The following TSC22D1 variants were observed in gnomAD, a reference collection of about 807,000 sequenced individuals.
TSC22D1 encodes the protein TSC22 domain family protein 1.
A neutral mutation model predicts 74.2 loss-of-function variants in TSC22D1; 9 were observed. The observed-to-expected ratio is 0.12, with a 90% CI of 0.07 to 0.21. TSC22D1 has a LOEUF of 0.21. TSC22D1 is among the 10% of genes least tolerant of loss of function. The probability of loss-of-function intolerance (pLI) is 1.00; values close to 1 mark genes in which losing one functional copy is unlikely to be tolerated. For synonymous variants in TSC22D1, 586 were observed against 492.5 expected (o/e 1.19, Z -2.51); for missense variants, 1,427 against 1,304.7 (o/e 1.09, Z -1.44).
At chr13:44,544,500 A>G (rs1272561209) in intron 1 of TSC22D1, among the ~76,000 whole-genome samples, 1 of 151,442 alleles carries the variant, frequency 6.6e-6, no homozygotes, top group Admixed American at 6.6e-5. Context: ...AATAGGGAAG[A>G]CTCTGAGCAA....
In TSC22D1 at chr13:44,574,120, G is replaced by A. The variant is rs370025988; in HGVS notation, c.1955C>T (p.Pro652Leu). 19 of 1,614,118 alleles carry A rather than the reference G, an allele frequency of 1.2e-5. No individual in the cohort carries two copies. Among genetic ancestry groups the A allele is most frequent in the East Asian group, 2.2e-5 (1 of 44,898 alleles). Reference sequence around the variant, plus strand: ...CTGCTGTTGTACATACTCTGAAGCAGGATTTTGAGTCACTGATTTGACATG... The same window carrying A: ...CTGCTGTTGTACATACTCTGAAGCAAGATTTTGAGTCACTGATTTGACATG... ...PGHVKSVTQN[P>L]ASEYVQQQPI... Residue 652 changes from proline (P) to leucine (L), a missense_variant, in exon 1 of 3, where the codon CCT (proline) becomes CTT (leucine). Pro to Leu is a moderately conservative substitution (Grantham distance 98, BLOSUM62 -3). Transcript: ENST00000458659.
chr13:44,489,719 AG>A (rs1202408592), intron 1 of TSC22D1, among the ~76,000 whole-genome samples: 2 of 152,156 alleles, frequency 1.3e-5, no homozygotes, highest in African/African-American at 4.8e-5. Flanking sequence ...AATAGGCAAG[AG>A]ACTTTAACAG....
rs750267574 is a variant in TSC22D1 at position 44,574,979 on chromosome 13, C to T, written c.1096G>A (p.Gly366Ser). ...GAAGAAATAGTACCATTGCCCATGC[C>T]ACTCAAGATATTCACATTAACACCA... ...TSGVNVNILS[G>S]MGNGTISSSA... is the part of the protein sequence containing the mutation. The change falls in exon 1 of 3, where the codon GGC becomes AGC. Residue 366 changes from glycine (G) to serine (S), a missense_variant. Around this residue, in one of 3 missense-constraint regions of TSC22D1, gnomAD observed 1,343 missense variants for 1,191.5 expected, o/e 1.13. Coordinates refer to ENST00000458659, the MANE Select transcript of TSC22D1 (RefSeq NM_183422.4). 1 of 1,614,096 alleles carries T rather than the reference C, an allele frequency of 6.2e-7. No homozygotes were observed. The highest frequency in any genetic ancestry group is 8.5e-7 in the Non-Finnish European group (1 of 1,180,048).
At chr13:44,573,095 AC>A in intron 1 of TSC22D1, 67 bp downstream of exon 1, 2 of 1,535,294 alleles carry the variant, frequency 1.3e-6, no homozygotes, top group Non-Finnish European at 1.7e-6. Context: ...TTTTGTGCAT[AC>A]ATATAGCTAC....
chr13:44,435,126 CAAGT>C (rs1874439462), intron 2 of TSC22D1: 1 of 428,618 alleles, frequency 2.3e-6, no homozygotes, highest in Admixed American at 4.3e-5. Flanking sequence ...CAGAAACGCC[CAAGT>C]AAGGCTTCCT....
intron 1 of TSC22D1, among the ~76,000 whole-genome samples, chr13:44,533,118 T>A (rs1422544375): frequency 6.6e-6 from 1 of 152,106 alleles, no homozygotes; most frequent in Non-Finnish European, 1.5e-5. Flanking sequence ...TAAAGTAATT[T>A]TCAAGTAAAA....
intron 1 of TSC22D1, 63 bp downstream of exon 1, chr13:44,573,100 T>C (rs957223767): frequency 1.2e-5 from 19 of 1,553,910 alleles, no homozygotes; most frequent in African/African-American, 2.7e-5. Context: ...TGCATACATA[T>C]AGCTACTAAA....
At chr13:44,532,182 A>G (rs1026985114) in intron 1 of TSC22D1, among the ~76,000 whole-genome samples, 1 of 152,204 alleles carries the variant, frequency 6.6e-6, no homozygotes, top group African/African-American at 2.4e-5. Context: ...CACTGAGTCA[A>G]TTTCTTTTAT....
In TSC22D1 at chr13:44,434,005, G is replaced by GT; in HGVS notation, c.*620dup. 6.5e-6 allele frequency: 10 copies of GT among 1,534,106 alleles called. No individual in the cohort carries two copies. Among genetic ancestry groups the GT allele is most frequent in the Non-Finnish European group, 8.7e-6 (10 of 1,146,472 alleles). ...TACAATAAGCAAAACAACCTTCATG[G>GT]TAAGATAGCCTAGGTCCCAGCTACC... On this transcript the variant is annotated 3_prime_UTR_variant, in exon 3 of 3. Coordinates refer to ENST00000458659, the MANE Select transcript of TSC22D1 (RefSeq NM_183422.4).
In TSC22D1 at chr13:44,575,187, T is replaced by G. The variant is rs1196835488; in HGVS notation, c.888A>C (p.Pro296=). The change falls in exon 1 of 3, where the codon CCA becomes CCC. Residue 296 remains proline, a synonymous_variant. Coordinates refer to ENST00000458659, the MANE Select transcript of TSC22D1 (RefSeq NM_183422.4). ...TTATACCTATTCCACCTGTAGTACT[T>G]GGAGCACGCATATTAGTCATTACAG... is the stretch of plus-strand genomic sequence containing the variant. ...PASVMTNMRA[P]STTGGIGINS... The G allele has an allele frequency of 1.9e-6, 3 of 1,613,962 alleles. No individual in the cohort carries two copies. The highest frequency in any genetic ancestry group is 2.2e-5 in the East Asian group (1 of 44,906).
At chr13:44,562,767 T>C (rs1384354712) in intron 1 of TSC22D1, among the ~76,000 whole-genome samples, 1 of 152,198 alleles carries the variant, frequency 6.6e-6, no homozygotes, top group East Asian at 1.9e-4. Flanking sequence ...CAAACATATT[T>C]GGGACACATC....
chr13:44,435,845 AC>A (rs1191096459), intron 2 of TSC22D1, 198 bp downstream of exon 2: 5 of 619,044 alleles, frequency 8.1e-6, no homozygotes, highest in Non-Finnish European at 1.4e-5. Flanking sequence ...ACCATTTAAT[AC>A]CCGCAGGGCC....
intron 1 of TSC22D1, among the ~76,000 whole-genome samples, chr13:44,512,415 C>T (rs557733837): frequency 7.9e-5 from 12 of 151,578 alleles, no homozygotes; most frequent in African/African-American, 2.7e-4. Flanking sequence ...GTGATCCGCC[C>T]GCCTCGGCCT....
chr13:44,448,515 A>T (rs757480045), intron 1 of TSC22D1, among the ~76,000 whole-genome samples: 5 of 152,188 alleles, frequency 3.3e-5, no homozygotes, highest in Non-Finnish European at 7.4e-5. Context: ...AGAATGTCTA[A>T]TGTAGTACAG....
At chr13:44,570,421 G>A (rs769106536) in intron 1 of TSC22D1, among the ~76,000 whole-genome samples, 24 of 151,886 alleles carry the variant, frequency 1.6e-4, no homozygotes, top group Non-Finnish European at 2.6e-4. Flanking sequence ...CAAATTTCTG[G>A]GCTCAAGCAA....
chr13:44,484,753 G>A (rs1399120626), intron 1 of TSC22D1, among the ~76,000 whole-genome samples: 1 of 152,080 alleles, frequency 6.6e-6, no homozygotes, highest in Non-Finnish European at 1.5e-5. Flanking sequence ...TTAGCTGATG[G>A]GCTCTTTCCC....
At chr13:44,452,583 T>C (rs1225053551) in intron 1 of TSC22D1, 1 of 152,468 alleles carries the variant, frequency 6.6e-6, no homozygotes, top group African/African-American at 2.4e-5. Flanking sequence ...GGTGAGTATG[T>C]CTTACAAAGT....
intron 1 of TSC22D1, among the ~76,000 whole-genome samples, chr13:44,509,253 G>A (rs1390899513): frequency 6.6e-6 from 1 of 152,194 alleles, no homozygotes; most frequent in Non-Finnish European, 1.5e-5. Flanking sequence ...TTATTACGCT[G>A]GAGGAGTAAT....
chr13:44,514,259 AAAAG>A (rs1170170056), intron 1 of TSC22D1, among the ~76,000 whole-genome samples: 1 of 152,192 alleles, frequency 6.6e-6, no homozygotes, highest in Non-Finnish European at 1.5e-5. Context: ...GTAGGAAAAA[AAAAG>A]AATCAATAAA....
Sources: gnomAD v4.1 joint callset for allele counts (sites outside exome capture counted in the v4.1 genomes callset) on GRCh38, gnomAD v4.1.1 for gene constraint, gnomAD v4.1.1 regional missense constraint, MANE v1.5 for transcripts, NCBI Gene and HGNC (gene_info 2026-07-23, HGNC 2026-07-21) for gene names.